CENPV: variants seen among roughly 807,000 people sequenced by gnomAD.
CENPV encodes the protein nuclear protein p30.
Under a neutral mutation model 26.4 loss-of-function variants are expected in CENPV, and 15 were observed. The observed-to-expected ratio is 0.57, with a 90% CI of 0.38 to 0.88. CENPV has a LOEUF of 0.88. Among genes scored for constraint, CENPV ranks in the 40% least tolerant of loss-of-function variants. The probability of loss-of-function intolerance (pLI) is 0.00; values close to 1 mark genes in which losing one functional copy is unlikely to be tolerated. For missense variants in CENPV, 336 were observed against 376.5 expected (o/e 0.89, Z 0.89); for synonymous variants, 172 against 165.5 (o/e 1.04, Z -0.30).
In CENPV at chr17:16,353,353, C is replaced by T. The variant is rs2093235587; in HGVS notation, c.84G>A (p.Ala28=). ...SGASAAPAAS[A]AAALAPSATR... ...TGGCGCTGGGTGCCAAGGCAGCGGCCGCGGAGGCCGCGGGGGCCGCGGAGG... is the reference window on the plus strand; with the variant it reads ...TGGCGCTGGGTGCCAAGGCAGCGGCTGCGGAGGCCGCGGGGGCCGCGGAGG... Residue 28 remains alanine (A), a synonymous_variant, in exon 1 of 5, where the codon GCG becomes GCA. Coordinates refer to ENST00000299736, the MANE Select transcript of CENPV (RefSeq NM_181716.3). The T allele has an allele frequency of 1.6e-6, 2 of 1,273,424 alleles. No individual in the cohort carries two copies. The highest frequency in any genetic ancestry group is 2.0e-6 in the Non-Finnish European group (2 of 1,014,422). The allele number at this position is 1,273,424 out of a possible 1,614,324, so 78.9% of individuals were successfully genotyped here.
chr17:16,353,257 C>A lies in CENPV; in HGVS notation c.180G>T (p.Lys60Asn). 7.1e-7 allele frequency: 1 copy of A among 1,417,872 alleles called. No individual in the cohort carries two copies. Among genetic ancestry groups the A allele is most frequent in the Non-Finnish European group, 9.2e-7 (1 of 1,086,824 alleles). 87.8% of individuals were successfully genotyped at this position (1,417,872 alleles called of 1,614,324 possible). The change falls in exon 1 of 5, where the codon AAG becomes AAT. Residue 60 changes from lysine (K) to asparagine (N), a missense_variant. This residue lies in a region of CENPV where 181 missense variants were observed against 148.8 expected (regional missense o/e 1.22). Transcript: ENST00000299736. The stretch of plus-strand genomic sequence containing the variant: ...GCGGCGACGAGCGCCTCAGCCGCGG[C>A]TTCTCCGACGGCGGCTTCTCCACCG... ...SQAVEKPPSEKPRLRRSSPRA... is the reference protein window; with the variant it reads ...SQAVEKPPSENPRLRRSSPRA...
At chr17:16,343,537 G>T (rs907607012) in intron 4 of CENPV, among the ~76,000 whole-genome samples, 2 of 152,118 alleles carry the variant, frequency 1.3e-5, no homozygotes, top group African/African-American at 4.8e-5. Flanking sequence ...TCTCCATGTT[G>T]GTTAGGCTGG....
chr17:16,345,971 G>A (rs766370782), intron 3 of CENPV, among the ~76,000 whole-genome samples: 6 of 152,132 alleles, frequency 3.9e-5, no homozygotes, highest in Non-Finnish European at 7.4e-5. Flanking sequence ...CGGGAGACTG[G>A]ACAAAGGACA....
At chr17:16,348,726 C>T (rs762197295) in intron 2 of CENPV, 41 bp from the exon 3 acceptor site, 5 of 1,611,994 alleles carry the variant, frequency 3.1e-6, no homozygotes, top group Admixed American at 3.3e-5. Flanking sequence ...TGAGCAGCCA[C>T]CTGCATCCTC....
intron 1 of CENPV, among the ~76,000 whole-genome samples, chr17:16,352,422 C>G (rs1227920372): frequency 6.6e-6 from 1 of 152,184 alleles, no homozygotes; most frequent in Non-Finnish European, 1.5e-5. Context: ...TAGGTATCCC[C>G]GCCGCCGCGC....
intron 1 of CENPV, among the ~76,000 whole-genome samples, chr17:16,350,290 T>C (rs1204872457): frequency 6.6e-6 from 1 of 152,110 alleles, no homozygotes; most frequent in African/African-American, 2.4e-5. Flanking sequence ...ATTTCGAAAA[T>C]GTGAGGGATC....
In CENPV at chr17:16,353,198, G is replaced by A; in HGVS notation, c.239C>T (p.Pro80Leu). The A allele has an allele frequency of 7.3e-7, 1 of 1,371,680 alleles. No homozygotes were observed. Among genetic ancestry groups the A allele is most frequent in the East Asian group, 3.1e-5 (1 of 32,730 alleles). 85.0% of individuals were successfully genotyped at this position (1,371,680 alleles called of 1,614,324 possible). A position where few individuals can be genotyped will look rare whatever the true frequency, so the allele number is the denominator to read the frequency against. Residue 80 changes from proline to leucine, a missense_variant, in exon 1 of 5, where the codon CCG (proline) becomes CTG (leucine). Physicochemically the swap from Pro to Leu is moderately conservative, Grantham distance 98 (BLOSUM62 -3). Around this residue, in one of 2 missense-constraint regions of CENPV, gnomAD observed 181 missense variants for 148.8 expected, o/e 1.22. Transcript: ENST00000299736. ...TGGCGGGAGCAACGCCAGCTCAGGC[G>A]GCGGCGGCTCCCCCGGGCCCTCCTC... ...AQEEGPGEPP[P>L]PELALLPPPP...
chr17:16,344,845 A>G, intron 3 of CENPV, 134 bp from the exon 4 acceptor site: 1 of 397,568 alleles, frequency 2.5e-6, no homozygotes, highest in Non-Finnish European at 4.3e-6. Flanking sequence ...ATCTTGGCTC[A>G]CTGCAACCTC....
intron 3 of CENPV, chr17:16,347,613 G>T (rs1426161362): frequency 6.6e-6 from 1 of 151,986 alleles, no homozygotes; most frequent in African/African-American, 2.4e-5. Context: ...TCCTAAAGAA[G>T]AAATTTCTAA....
rs1356431078 is a variant in CENPV, at chr17:16,342,944, A to T, written c.695-3T>A. The T allele has an allele frequency of 1.9e-6, 3 of 1,613,934 alleles. No individual in the cohort carries two copies. In the African/African-American group the frequency reaches 4.0e-5, roughly 22 times the overall value. On this transcript the variant is annotated splice_polypyrimidine_tract_variant and splice_region_variant and intron_variant, in intron 4 of 4. Coordinates refer to ENST00000299736, the MANE Select transcript of CENPV (RefSeq NM_181716.3). ...ATCCAGGCAGTGGGGGGCAATTCCTACGAGAAAGTGGCACAGACAAAGGGG... is the reference window on the plus strand; with the variant it reads ...ATCCAGGCAGTGGGGGGCAATTCCTTCGAGAAAGTGGCACAGACAAAGGGG...
intron 2 of CENPV, chr17:16,349,515 G>A: frequency 2.0e-6 from 2 of 987,864 alleles, no homozygotes; most frequent in Non-Finnish European, 1.2e-6. Flanking sequence ...TGGAGGGCCT[G>A]GGGAGCCTCC....
intron 1 of CENPV, chr17:16,350,502 C>T (rs2093224435): frequency 6.5e-6 from 1 of 153,944 alleles, no homozygotes; most frequent in Non-Finnish European, 1.4e-5. Context: ...TGCCACCGCG[C>T]CCTGCTAATT....
intron 3 of CENPV, among the ~76,000 whole-genome samples, chr17:16,346,425 T>A (rs1476454644): frequency 1.2e-4 from 19 of 152,206 alleles, no homozygotes; most frequent in Non-Finnish European, 1.3e-4. Flanking sequence ...TCTACAAAAC[T>A]AACATGGAAC....
chr17:16,349,957 T>G lies in CENPV; in HGVS notation c.483A>C (p.Ser161=). The change falls in exon 2 of 5, where the codon TCA becomes TCC. Residue 161 remains serine (S), a synonymous_variant. Transcript: ENST00000299736. The part of the protein sequence containing the change: ...CGAVRFEVWA[S]ADLHIFDCNC... ...TGCAGTCAAATATATGCAAGTCTGC[T>G]GAGGCCCAAACTTCAAAACGAACTG... 6.2e-7 allele frequency: 1 copy of G among 1,613,938 alleles called. No homozygotes were observed. Among genetic ancestry groups the G allele is most frequent in the Non-Finnish European group, 8.5e-7 (1 of 1,179,968 alleles).
At chr17:16,348,489 CGTG>C in intron 3 of CENPV, 124 bp downstream of exon 3, 1 of 1,520,986 alleles carries the variant, frequency 6.6e-7, no homozygotes, top group Non-Finnish European at 8.9e-7. Flanking sequence ...AACCAAAGCC[CGTG>C]AGAGGCCCTG....
chr17:16,349,914 GA>G lies in CENPV; in HGVS notation c.509+16del, dbSNP rs201870460. 103 of 1,573,756 alleles carry G rather than the reference GA, an allele frequency of 6.5e-5. No individual in the cohort carries two copies. The highest frequency in any genetic ancestry group is 2.1e-4 in the South Asian group (18 of 85,330). ...TGAAATTCTTTTAAGCCAATTTAGG[GA>G]AAAAAAAATACTCACTTGCAGTCAA... On this transcript the variant is annotated intron_variant, in intron 2 of 4. Transcript: ENST00000299736.
chr17:16,346,585 T>A (rs771318420), intron 3 of CENPV, among the ~76,000 whole-genome samples: 41 of 152,040 alleles, frequency 2.7e-4, no homozygotes, highest in Non-Finnish European at 2.4e-4. Flanking sequence ...ACCCTGTCTG[T>A]ACTAAAAATG....
Position 16,342,556 on chromosome 17 carries a change from A to AT in CENPV, c.*260dup, listed in dbSNP as rs570998535. 3.3e-4 allele frequency: 183 copies of AT among 548,976 alleles called. No homozygotes were observed. The highest frequency in any genetic ancestry group is 1.1e-3 in the Admixed American group (35 of 31,600). 34.0% of individuals were successfully genotyped at this position (548,976 alleles called of 1,614,324 possible). ...GACTGCTTTAATGTTAAAAATATTT[A>AT]TTTTTTTTCCTAAAAGATCACACAA... On this transcript the variant is annotated 3_prime_UTR_variant, in exon 5 of 5. Transcript: ENST00000299736.
At chr17:16,349,888 CTG>C (rs2093222281) in intron 2 of CENPV, 41 bp downstream of exon 2, 1 of 1,602,976 alleles carries the variant, frequency 6.2e-7, no homozygotes. Flanking sequence ...CATTTTAACT[CTG>C]AAATTCTTTT....
Sources: allele counts gnomAD v4.1 joint callset (sites outside exome capture counted in the v4.1 genomes callset), GRCh38; gene constraint gnomAD v4.1.1; regional missense constraint gnomAD v4.1.1; transcripts MANE v1.5; gene names NCBI Gene and HGNC (gene_info 2026-07-23, HGNC 2026-07-21).